Variants in PCCA observed in about 807,000 individuals in gnomAD.
PCCA encodes propionyl-CoA carboxylase alpha chain, mitochondrial.
In PCCA, 74 loss-of-function variants were observed where a neutral mutation model predicts 101.3. That is an observed-to-expected ratio of 0.73 (90% CI 0.61 to 0.89). PCCA has a LOEUF of 0.89. Among genes scored for constraint, PCCA ranks in the 40% least tolerant of loss-of-function variants. The probability of loss-of-function intolerance (pLI) is 0.00; values close to 1 mark genes in which losing one functional copy is unlikely to be tolerated. For missense variants in PCCA, 891 were observed against 907.0 expected, an observed-to-expected ratio of 0.98 and a Z score of 0.23; for synonymous variants, 294 against 313.6, an observed-to-expected ratio of 0.94 and a Z score of 0.66.
At chr13:100,274,940 G>C (rs1036518637) in intron 12 of PCCA, among the ~76,000 whole-genome samples, 8 of 151,928 alleles carry the variant, frequency 5.3e-5, no homozygotes, top group Admixed American at 1.3e-4. Flanking sequence ...TGGGTGAGTG[G>C]GGGGATTATG....
At chr13:100,466,207 G>A (rs2082505904) in intron 21 of PCCA, 1 of 152,232 alleles carries the variant, frequency 6.6e-6, no homozygotes, top group African/African-American at 2.4e-5. Flanking sequence ...CTGCTGGTGA[G>A]ACATATTAGA....
At chr13:100,266,088 G>A (rs1015406306) in intron 10 of PCCA, among the ~76,000 whole-genome samples, 3 of 152,160 alleles carry the variant, frequency 2.0e-5, no homozygotes, top group Non-Finnish European at 2.9e-5. Flanking sequence ...GATCGTAGGG[G>A]CAGAATTAAT....
chr13:100,459,138 A>G (rs916986527), intron 21 of PCCA, among the ~76,000 whole-genome samples: 3 of 152,102 alleles, frequency 2.0e-5, no homozygotes, highest in Admixed American at 1.3e-4. Flanking sequence ...CTTCTTCCCT[A>G]TGACTGTGTG....
At chr13:100,359,137 A>T (rs898262710) in intron 18 of PCCA, among the ~76,000 whole-genome samples, 25 of 150,896 alleles carry the variant, frequency 1.7e-4, no homozygotes, top group East Asian at 5.8e-4. Flanking sequence ...AAAGCTGTTT[A>T]AAAAAAAATG....
At chr13:100,497,355 G>T (rs1442989934) in intron 21 of PCCA, among the ~76,000 whole-genome samples, 4 of 152,166 alleles carry the variant, frequency 2.6e-5, no homozygotes, top group African/African-American at 9.7e-5. Context: ...ACCGAATTTG[G>T]CTTTGAAGTA....
intron 4 of PCCA, among the ~76,000 whole-genome samples, chr13:100,144,288 C>T (rs887205583): frequency 1.3e-5 from 2 of 152,142 alleles, no homozygotes; most frequent in Non-Finnish European, 2.9e-5. Flanking sequence ...AAATCAAGAG[C>T]TGTCCTGTCT....
intron 1 of PCCA, among the ~76,000 whole-genome samples, chr13:100,097,792 A>G (rs7326540): frequency 0.92 from 140,358 of 152,272 alleles, 64,842 homozygotes; most frequent in East Asian, 0.99. Context: ...TGGGAGGATC[A>G]CTTGAGGCCA....
chr13:100,436,084 T>A (rs1033777250), intron 20 of PCCA, among the ~76,000 whole-genome samples: 1 of 151,790 alleles, frequency 6.6e-6, no homozygotes, highest in African/African-American at 2.4e-5. Flanking sequence ...AAAATGAAAC[T>A]GTACTCCACA....
intron 6 of PCCA, among the ~76,000 whole-genome samples, chr13:100,200,482 A>G (rs892692793): frequency 1.3e-5 from 2 of 152,136 alleles, no homozygotes; most frequent in African/African-American, 4.8e-5. Context: ...CAGTTGGGGT[A>G]CTAGGCATGG....
chr13:100,414,340 C>T (rs559926025), intron 19 of PCCA, among the ~76,000 whole-genome samples: 10 of 152,266 alleles, frequency 6.6e-5, no homozygotes, highest in South Asian at 4.1e-4. Context: ...TCATTTCCCT[C>T]TGGGAGGTCA....
intron 8 of PCCA, among the ~76,000 whole-genome samples, chr13:100,243,460 A>G (rs2061266297): frequency 6.6e-6 from 1 of 152,198 alleles, no homozygotes; most frequent in Non-Finnish European, 1.5e-5. Context: ...GGGGAAAAAA[A>G]GGAATATTAA....
intron 11 of PCCA, among the ~76,000 whole-genome samples, chr13:100,271,982 A>G (rs2063343150): frequency 1.3e-5 from 2 of 152,232 alleles, no homozygotes; most frequent in African/African-American, 4.8e-5. Context: ...TGTCATCTCA[A>G]TCCTGCTCAT....
At chr13:100,163,183 A>ACC (rs2054667412) in intron 6 of PCCA, among the ~76,000 whole-genome samples, 1 of 152,118 alleles carries the variant, frequency 6.6e-6, no homozygotes, top group East Asian at 1.9e-4. Context: ...TCAATAGGAA[A>ACC]AGTCTGGGAT....
At chr13:100,451,637 T>C (rs1258856128) in intron 21 of PCCA, among the ~76,000 whole-genome samples, 3 of 151,774 alleles carry the variant, frequency 2.0e-5, no homozygotes, top group South Asian at 2.1e-4. Flanking sequence ...TTCCTCTCTC[T>C]GAAAATGGCA....
At chr13:100,374,196 T>G (rs972856367) in intron 19 of PCCA, among the ~76,000 whole-genome samples, 3 of 152,058 alleles carry the variant, frequency 2.0e-5, no homozygotes, top group African/African-American at 4.8e-5. Flanking sequence ...GAAAGTTAAG[T>G]GAAGTGTTAA....
chr13:100,222,132 C>G (rs982137534), intron 7 of PCCA, among the ~76,000 whole-genome samples: 6 of 152,116 alleles, frequency 3.9e-5, no homozygotes, highest in African/African-American at 1.4e-4. Context: ...TCCCCGCCCC[C>G]TGGGTTCAAG....
At chr13:100,359,995 A>C (rs902729801) in intron 18 of PCCA, among the ~76,000 whole-genome samples, 1 of 152,136 alleles carries the variant, frequency 6.6e-6, no homozygotes, top group African/African-American at 2.4e-5. Context: ...GTATTAGTCC[A>C]TTTTCACCCT....
At chr13:100,275,966 C>T (rs1230763442) in intron 12 of PCCA, among the ~76,000 whole-genome samples, 2 of 152,110 alleles carry the variant, frequency 1.3e-5, no homozygotes, top group East Asian at 3.9e-4. Flanking sequence ...CACATATTTA[C>T]CTTTCTTTGT....
intron 19 of PCCA, among the ~76,000 whole-genome samples, chr13:100,416,846 G>A (rs761779706): frequency 4.7e-5 from 7 of 150,010 alleles, no homozygotes; most frequent in South Asian, 2.1e-4. Flanking sequence ...TATTCTTTTT[G>A]TTTGTTTGTT....
Sources: gnomAD v4.1 joint callset for allele counts (sites outside exome capture counted in the v4.1 genomes callset) on GRCh38, gnomAD v4.1.1 for gene constraint, MANE v1.5 for transcripts, NCBI Gene and HGNC (gene_info 2026-07-23, HGNC 2026-07-21) for gene names.